Variants in PKD1 observed in about 807,000 individuals in gnomAD.
PKD1 encodes the protein polycystin 1, transient receptor potential channel interacting, also known as polycystin-1.
PKD1 carries 81 observed loss-of-function variants against 361.7 expected under a neutral mutation model. The observed-to-expected ratio is 0.22, with a 90% CI of 0.19 to 0.27. The LOEUF (loss-of-function observed/expected upper bound fraction) is 0.27. Ranked by LOEUF, PKD1 falls within the 10% of genes least tolerant of loss-of-function variation. The probability of loss-of-function intolerance (pLI) is 1.00; values close to 1 mark genes in which losing one functional copy is unlikely to be tolerated. For synonymous variants in PKD1, 3,615 were observed against 2,818.3 expected, an observed-to-expected ratio of 1.28 and a Z score of -8.95; for missense variants, 6,399 against 6,118.3, an observed-to-expected ratio of 1.05 and a Z score of -1.53.
intron 34 of PKD1, chr16:2,096,864 G>A (rs932625914): frequency 7.5e-6 from 4 of 532,934 alleles, no homozygotes; most frequent in Non-Finnish European, 1.3e-5. Context: ...ACTGCTCTGA[G>A]ACCAAGATAA....
chr16:2,112,026 G>A (rs886890045), intron 14 of PKD1, among the ~76,000 whole-genome samples, 155 bp from the exon 15 acceptor site: 2 of 152,238 alleles, frequency 1.3e-5, no homozygotes, highest in Non-Finnish European at 2.9e-5. Context: ...GCGGGACGGA[G>A]CACAGGTGTA....
Position 2,124,371 on chromosome 16 carries a change from T to C in PKD1, c.216-4993A>G, listed in dbSNP as rs1410926818. Among the ~76,000 whole-genome samples the C allele has an allele frequency of 3.3e-5, 5 of 152,308 alleles. No individual in the cohort carries two copies. In the South Asian group the frequency reaches 6.2e-4, roughly 19 times the overall value. On this transcript the variant is annotated intron_variant, in intron 1 of 45. Coordinates refer to ENST00000262304, the MANE Select transcript of PKD1 (RefSeq NM_001009944.3). ...GTTCCCAGCCAGGCGCTGGCTCTCCTGCCCTCCCCCTGGGCTCTGCCCACA... is the reference window on the plus strand; with the variant it reads ...GTTCCCAGCCAGGCGCTGGCTCTCCCGCCCTCCCCCTGGGCTCTGCCCACA...
Position 2,100,546 on chromosome 16 carries a change from T to C in PKD1, c.9418A>G (p.Ile3140Val), listed in dbSNP as rs1157818861. Residue 3140 changes from isoleucine (I) to valine (V), a missense_variant, in exon 27 of 46, where the codon ATC becomes GTC. Physicochemically the swap from Ile to Val is conservative, Grantham distance 29 (BLOSUM62 3). Coordinates refer to ENST00000262304, the MANE Select transcript of PKD1 (RefSeq NM_001009944.3). The surrounding 1 kb of genome is among the most constrained non-coding windows in gnomAD (Gnocchi z 4.4). The part of the protein sequence containing the change: ...RGSGTTAHVG[I>V]MLYGVDSRSG... ...CGGCTGTCCACCCCATACAGCATGA[T>C]GCCCACGTGGGCCGTGGTACCTGGG... 2.5e-6 allele frequency: 4 copies of C among 1,610,326 alleles called. No individual in the cohort carries two copies. In the East Asian group the frequency reaches 6.7e-5, roughly 27 times the overall value.
intron 11 of PKD1, chr16:2,113,931 A>G: frequency 1.7e-6 from 1 of 587,470 alleles, no homozygotes; most frequent in African/African-American, 1.9e-5. Context: ...TTTTAAATTC[A>G]TTTTGTGAAA....
chr16:2,109,746 G>C lies in PKD1; in HGVS notation c.5421C>G (p.Ile1807Met), dbSNP rs745733606. 3.1e-6 allele frequency: 5 copies of C among 1,609,268 alleles called. No individual in the cohort carries two copies. Among genetic ancestry groups the C allele is most frequent in the Non-Finnish European group, 3.4e-6 (4 of 1,179,216 alleles). ...DVQVPVSGLS[I>M]RASEPGGSFV... ...AGCTGCCTCCGGGCTCGCTGGCCCT[G>C]ATGCTGAGGCCACTCACAGGCACCT... The change falls in exon 15 of 46, where the codon ATC becomes ATG. Residue 1807 changes from isoleucine to methionine, a missense_variant. Transcript: ENST00000262304.
chr16:2,126,327 G>A (rs1002098736), intron 1 of PKD1, among the ~76,000 whole-genome samples: 13 of 152,276 alleles, frequency 8.5e-5, no homozygotes, highest in Non-Finnish European at 1.8e-4. Context: ...CCTTTCTGAG[G>A]TGGCCTCACA....
intron 1 of PKD1, among the ~76,000 whole-genome samples, chr16:2,120,946 G>A (rs1204083462): frequency 6.6e-6 from 1 of 151,744 alleles, no homozygotes; most frequent in Non-Finnish European, 1.5e-5. Context: ...GAACCCGGGA[G>A]GCGAAGGTTG....
intron 13 of PKD1, 122 bp downstream of exon 13, chr16:2,112,666 C>T: frequency 8.3e-7 from 1 of 1,198,802 alleles, no homozygotes. Context: ...CCAGTTACCT[C>T]CCAACAGACA....
rs767472343 is a variant in PKD1, at chr16:2,119,192, G to A, written c.288-7C>T. Reference sequence around the variant, plus strand: ...CTTGTTGTTGCTTATATCCCTGGAAGAGACGGGGGATTCGGCAAAGCTGAT... The same window carrying A: ...CTTGTTGTTGCTTATATCCCTGGAAAAGACGGGGGATTCGGCAAAGCTGAT... On this transcript the variant is annotated splice_region_variant and splice_polypyrimidine_tract_variant and intron_variant, in intron 2 of 45. Coordinates refer to ENST00000262304, the MANE Select transcript of PKD1 (RefSeq NM_001009944.3). 1.9e-5 allele frequency: 30 copies of A among 1,560,264 alleles called. No homozygotes were observed. The highest frequency in any genetic ancestry group is 2.5e-5 in the Non-Finnish European group (29 of 1,148,100).
In PKD1 at chr16:2,106,206, C is replaced by T. The variant is rs762251050; in HGVS notation, c.7588G>A (p.Gly2530Ser). ...ACGGCTCCGTAGCTGGAGAGGCTGC[C>T]CTTGTAGACACAGAACTCCTCGCAG... The part of the protein sequence containing the change: ...GHCEEFCVYK[G>S]SLSSYGAVLP... The change falls in exon 19 of 46, where the codon GGC (glycine) becomes AGC (serine). Residue 2530 changes from glycine (G) to serine (S), a missense_variant. Transcript: ENST00000262304. This position sits in a 1 kb window ranked among gnomAD's most constrained non-coding sequence, Gnocchi z 6.5. 3.7e-6 allele frequency: 6 copies of T among 1,610,092 alleles called. No individual in the cohort carries two copies. The East Asian group carries it at 1.1e-4, about 30-fold the overall frequency.
At chr16:2,126,203 C>G (rs1212900335) in intron 1 of PKD1, among the ~76,000 whole-genome samples, 1 of 152,244 alleles carries the variant, frequency 6.6e-6, no homozygotes, top group Non-Finnish European at 1.5e-5. Flanking sequence ...ACCCGGAGCC[C>G]CTGTACTCCC....
Position 2,106,201 on chromosome 16 carries a change from G to A in PKD1, c.7593C>T (p.Ser2531=), listed in dbSNP as rs1338903667. The change falls in exon 19 of 46, where the codon AGC becomes AGT. Residue 2531 remains serine (S), a synonymous_variant. Transcript: ENST00000262304. This position sits in a 1 kb window ranked among gnomAD's most constrained non-coding sequence, Gnocchi z 6.5. ...HCEEFCVYKG[S]LSSYGAVLPP... Reference sequence around the variant, plus strand: ...GCAGCACGGCTCCGTAGCTGGAGAGGCTGCCCTTGTAGACACAGAACTCCT... The same window carrying A: ...GCAGCACGGCTCCGTAGCTGGAGAGACTGCCCTTGTAGACACAGAACTCCT... The A allele has an allele frequency of 7.5e-6, 12 of 1,610,066 alleles. No individual in the cohort carries two copies. Among genetic ancestry groups the A allele is most frequent in the South Asian group, 3.3e-5 (3 of 90,992 alleles).
In PKD1 at chr16:2,110,942, G is replaced by A. The variant is rs2034901239; in HGVS notation, c.4225C>T (p.Pro1409Ser). The A allele has an allele frequency of 6.2e-7, 1 of 1,610,848 alleles. No homozygotes were observed. Among genetic ancestry groups the A allele is most frequent in the African/African-American group, 1.3e-5 (1 of 74,878 alleles). Reference sequence around the variant, plus strand: ...CCAAAGTCCCAGGTGTAGCGGTAGGGGAACGGGGGCCAGGCACATGCCACC... The same window carrying A: ...CCAAAGTCCCAGGTGTAGCGGTAGGAGAACGGGGGCCAGGCACATGCCACC... Reference protein sequence around the residue: ...WLVACAWPPFPYRYTWDFGTE... With the variant: ...WLVACAWPPFSYRYTWDFGTE... The change falls in exon 15 of 46, where the codon CCC (proline) becomes TCC (serine). Residue 1409 changes from proline to serine, a missense_variant. By Grantham distance (74) the Pro-to-Ser change is moderately conservative. Transcript: ENST00000262304.
In PKD1 at chr16:2,092,575, G is replaced by C; in HGVS notation, c.11174C>G (p.Pro3725Arg). 1 of 1,611,128 alleles carries C rather than the reference G, an allele frequency of 6.2e-7. No homozygotes were observed. Among genetic ancestry groups the C allele is most frequent in the Non-Finnish European group, 8.5e-7 (1 of 1,178,858 alleles). Reference sequence around the variant, plus strand: ...GGGCAGCAGCACGTGGGCCATCCATGGCCAGAGCTCCTCAGACCTGCCACA... The same window carrying C: ...GGGCAGCAGCACGTGGGCCATCCATCGCCAGAGCTCCTCAGACCTGCCACA... ...LAITRSEELW[P>R]WMAHVLLPYV... The change falls in exon 39 of 46, where the codon CCA (proline) becomes CGA (arginine). Residue 3725 changes from proline to arginine, a missense_variant. Pro to Arg is a moderately radical substitution (Grantham distance 103). Coordinates refer to ENST00000262304, the MANE Select transcript of PKD1 (RefSeq NM_001009944.3).
Position 2,090,717 on chromosome 16 carries a change from C to A in PKD1, c.12095G>T (p.Gly4032Val), listed in dbSNP as rs142768096. The change falls in exon 44 of 46, where the codon GGC becomes GTC. Residue 4032 changes from glycine to valine, a missense_variant. Coordinates refer to ENST00000262304, the MANE Select transcript of PKD1 (RefSeq NM_001009944.3). Reference protein sequence around the residue: ...ALPELLGVTLGLVVLGVAYAQ... With the variant: ...ALPELLGVTLVLVVLGVAYAQ... ...GTAGGCTACCCCGAGCACCACCAGGCCCAAGGTGACCCCCAGGAGCTCTGG... is the reference window on the plus strand; with the variant it reads ...GTAGGCTACCCCGAGCACCACCAGGACCAAGGTGACCCCCAGGAGCTCTGG... The A allele has an allele frequency of 4.4e-5, 71 of 1,612,534 alleles. No homozygotes were observed. In the African/African-American group the frequency reaches 9.1e-4, roughly 21 times the overall value.
rs181738771 is a variant in PKD1 at position 2,114,496 on chromosome 16, A to G, written c.2527T>C (p.Ser843Pro). 2.0e-4 allele frequency: 313 copies of G among 1,596,296 alleles called. 2 individuals carry two copies. In the East Asian group the frequency reaches 6.2e-3, roughly 31 times the overall value. ...DGRLYVPTNG[S>P]ALVLQVDSGA... ...GAGTCCACCTGGAGCACCAAGGCTG[A>G]GCCGTTGGTGGGCACGTAGAGGCGG... is the stretch of plus-strand genomic sequence containing the variant. Residue 843 changes from serine (S) to proline (P), a missense_variant, in exon 11 of 46, where the codon TCA (serine) becomes CCA (proline). Physicochemically the swap from Ser to Pro is moderately conservative, Grantham distance 74. Transcript: ENST00000262304.
At position 2,114,464 on chromosome 16, in the gene PKD1, G is replaced by A. The variant is rs2092595612; in HGVS notation, c.2559C>T (p.Ala853=). The A allele has an allele frequency of 1.3e-6, 2 of 1,597,494 alleles. No homozygotes were observed. The highest frequency in any genetic ancestry group is 8.5e-7 in the Non-Finnish European group (1 of 1,179,434). Residue 853 remains alanine (A), a synonymous_variant, in exon 11 of 46, where the codon GCC becomes GCT. Transcript: ENST00000262304. Reference sequence around the variant, plus strand: ...GCCAGCGAGCCGTGGCCGTGGCGTTGGCACCAGAGTCCACCTGGAGCACCA... The same window carrying A: ...GCCAGCGAGCCGTGGCCGTGGCGTTAGCACCAGAGTCCACCTGGAGCACCA... The part of the protein sequence containing the change: ...SALVLQVDSG[A]NATATARWPG...
In PKD1 at chr16:2,119,960, C is replaced by T. The variant is rs1486052263; in HGVS notation, c.216-582G>A. The stretch of plus-strand genomic sequence containing the variant: ...CAGGCACTGGGGCACACGCCGGTAA[C>T]ACAGCACCGTGGGAGCTGAGACGGA... On this transcript the variant is annotated intron_variant, in intron 1 of 45. Coordinates refer to ENST00000262304, the MANE Select transcript of PKD1 (RefSeq NM_001009944.3). The T allele has an allele frequency of 2.6e-5, 16 of 607,842 alleles. No individual in the cohort carries two copies. The Admixed American group carries it at 3.5e-4, about 13-fold the overall frequency. 37.7% of individuals were successfully genotyped at this position (607,842 alleles called of 1,614,324 possible).
In PKD1 at chr16:2,100,453, C is replaced by A. The variant is rs1276306534; in HGVS notation, c.9511G>T (p.Ala3171Ser). The change falls in exon 27 of 46, where the codon GCC (alanine) becomes TCC (serine). Residue 3171 changes from alanine to serine, a missense_variant. Physicochemically the swap from Ala to Ser is moderately conservative, Grantham distance 99 (BLOSUM62 1). Coordinates refer to ENST00000262304, the MANE Select transcript of PKD1 (RefSeq NM_001009944.3). This position sits in a 1 kb window ranked among gnomAD's most constrained non-coding sequence, Gnocchi z 4.4. ...ACGCTACCCAGGCTGTGCGGGGTGG[C>A]GATCCGGAAGATGTCCAGGCTGTTG... ...HRNSLDIFRI[A>S]TPHSLGSVWK... is the part of the protein sequence containing the mutation. The A allele has an allele frequency of 1.2e-6, 2 of 1,610,856 alleles. No individual in the cohort carries two copies. The highest frequency in any genetic ancestry group is 1.3e-5 in the African/African-American group (1 of 74,860).
Sources: allele counts gnomAD v4.1 joint callset (sites outside exome capture counted in the v4.1 genomes callset), GRCh38; gene constraint gnomAD v4.1.1; non-coding constraint Gnocchi (gnomAD v3.1); transcripts MANE v1.5; gene names NCBI Gene and HGNC (gene_info 2026-07-23, HGNC 2026-07-21).